BCAS1: variants seen among roughly 807,000 people sequenced by gnomAD.
The protein encoded by BCAS1 is breast carcinoma-amplified sequence 1.
BCAS1 carries 46 observed loss-of-function variants against 65.4 expected under a neutral mutation model. The ratio of observed to expected loss-of-function variants is 0.70; its 90% CI spans 0.55 to 0.90. BCAS1 has a LOEUF of 0.90. Among genes scored for constraint, BCAS1 ranks in the 40% least tolerant of loss-of-function variants. The pLI is 0.00. For missense variants in BCAS1, 793 were observed against 771.2 expected, an observed-to-expected ratio of 1.03 and a Z score of -0.33; for synonymous variants, 298 against 293.5, an observed-to-expected ratio of 1.02 and a Z score of -0.16.
At chr20:54,006,270 C>T (rs771024254) in intron 4 of BCAS1, among the ~76,000 whole-genome samples, 2 of 152,150 alleles carry the variant, frequency 1.3e-5, no homozygotes, top group Non-Finnish European at 2.9e-5. Flanking sequence ...TCCCTAAACT[C>T]ACATGCACTA....
intron 9 of BCAS1, among the ~76,000 whole-genome samples, chr20:53,967,500 T>C (rs1157735093): frequency 6.6e-6 from 1 of 152,248 alleles, no homozygotes; most frequent in African/African-American, 2.4e-5. Flanking sequence ...TCCAGTTCTC[T>C]TTCCAGTTCC....
intron 1 of BCAS1, among the ~76,000 whole-genome samples, chr20:54,064,375 G>A (rs2092411225): frequency 6.6e-6 from 1 of 152,198 alleles, no homozygotes; most frequent in South Asian, 2.1e-4. Flanking sequence ...CAAACCCACG[G>A]ATTCTCAGAC....
chr20:53,951,731 T>A (rs957082742), intron 12 of BCAS1, among the ~76,000 whole-genome samples: 1 of 152,194 alleles, frequency 6.6e-6, no homozygotes, highest in African/African-American at 2.4e-5. Context: ...CTCACCCACT[T>A]GGGTGAAGTC....
intron 1 of BCAS1, among the ~76,000 whole-genome samples, chr20:54,061,619 G>T (rs2092377843): frequency 6.6e-6 from 1 of 151,950 alleles, no homozygotes; most frequent in Admixed American, 6.6e-5. Context: ...ATATTGAGGA[G>T]GCCAAAAAAA....
chr20:53,981,775 A>G lies in BCAS1; in HGVS notation c.1275+3512T>C, dbSNP rs139622977. On this transcript the variant is annotated intron_variant, in intron 8 of 12. Transcript: ENST00000688948. ...GGAAAGCAGAAAAGGGATATTTTGA[A>G]GATATTCCAAATATATCAATTATTA... 3.1e-4 allele frequency among the ~76,000 whole-genome samples: 47 copies of G among 152,116 alleles called. No individual in the cohort carries two copies. The East Asian group carries it at 9.0e-3, about 29-fold the overall frequency.
intron 1 of BCAS1, among the ~76,000 whole-genome samples, chr20:54,062,965 A>G (rs571005533): frequency 6.6e-6 from 1 of 152,364 alleles, no homozygotes; most frequent in East Asian, 1.9e-4. Context: ...ATATTAGCAG[A>G]AATGAATTCA....
At chr20:54,058,829 T>A (rs1187925904) in intron 1 of BCAS1, 106 bp from the exon 2 acceptor site, 43 of 1,280,850 alleles carry the variant, frequency 3.4e-5, no homozygotes, top group Non-Finnish European at 4.6e-5. Context: ...GGCTGTATTA[T>A]CATCAGCTGA....
In BCAS1 at chr20:53,995,932, G is replaced by A. The variant is rs2090895938; in HGVS notation, c.842C>T (p.Ala281Val). The A allele has an allele frequency of 1.9e-6, 3 of 1,613,474 alleles. No individual in the cohort carries two copies. Among genetic ancestry groups the A allele is most frequent in the Non-Finnish European group, 2.5e-6 (3 of 1,179,742 alleles). ...AKDDSQAAAI[A>V]ENNNSIMSFF... ...ACTCATGATGGAATTATTATTCTCT[G>A]CTATAGCTGCTGCCTGGGAATCGTC... The change falls in exon 5 of 13, where the codon GCA becomes GTA. Residue 281 changes from alanine to valine, a missense_variant. Ala to Val is a moderately conservative substitution (Grantham distance 64). Transcript: ENST00000688948.
chr20:54,028,421 C>G lies in BCAS1; in HGVS notation c.694G>C (p.Gly232Arg). 8 of 1,614,192 alleles carry G rather than the reference C, an allele frequency of 5.0e-6. No individual in the cohort carries two copies. The highest frequency in any genetic ancestry group is 6.8e-6 in the Non-Finnish European group (8 of 1,180,028). ...CCTGCAGGGACATCATCGGACTGCC[C>G]TGATAAGCCAGGAACCTCATCCACC... ...DKVDEVPGLS[G>R]QSDDVPAGKD... Residue 232 changes from glycine (G) to arginine (R), a missense_variant, in exon 4 of 13, where the codon GGG becomes CGG. By Grantham distance (125) the Gly-to-Arg change is moderately radical. Coordinates refer to ENST00000688948, the MANE Select transcript of BCAS1 (RefSeq NM_001366298.2).
intron 4 of BCAS1, among the ~76,000 whole-genome samples, chr20:54,005,586 C>T (rs960252706): frequency 2.0e-5 from 3 of 152,184 alleles, no homozygotes; most frequent in African/African-American, 7.2e-5. Flanking sequence ...TAAACAAATG[C>T]CAATACCCAG....
chr20:54,009,411 G>C (rs2091274680), intron 4 of BCAS1, among the ~76,000 whole-genome samples: 1 of 151,986 alleles, frequency 6.6e-6, no homozygotes, highest in Non-Finnish European at 1.5e-5. Flanking sequence ...ACCAGTATCA[G>C]GTACAAAACT....
intron 3 of BCAS1, among the ~76,000 whole-genome samples, chr20:54,042,982 G>A (rs2092027830): frequency 6.6e-6 from 1 of 152,238 alleles, no homozygotes; most frequent in Admixed American, 6.5e-5. Flanking sequence ...TGCAGAGTCT[G>A]AGCCTCTGCT....
chr20:54,035,676 A>T (rs1467127235), intron 3 of BCAS1, among the ~76,000 whole-genome samples: 1 of 151,238 alleles, frequency 6.6e-6, no homozygotes, highest in Non-Finnish European at 1.5e-5. Context: ...AGATAGAAAT[A>T]CCATTCCACC....
At chr20:53,985,047 G>A (rs208364) in intron 8 of BCAS1, among the ~76,000 whole-genome samples, 3,865 of 152,210 alleles carry the variant, frequency 0.025, 117 homozygotes, top group East Asian at 0.11. Flanking sequence ...CTCAAAGAAT[G>A]AAAAATTCTA....
intron 4 of BCAS1, among the ~76,000 whole-genome samples, chr20:54,002,159 C>A (rs1323596814): frequency 2.0e-5 from 3 of 151,712 alleles, no homozygotes; most frequent in Non-Finnish European, 4.4e-5. Context: ...CTCTGTGTAT[C>A]TCTCTCTCTC....
At chr20:53,952,730 T>C (rs1040147024) in intron 12 of BCAS1, among the ~76,000 whole-genome samples, 1 of 152,192 alleles carries the variant, frequency 6.6e-6, no homozygotes, top group African/African-American at 2.4e-5. Context: ...GGCAGACAAC[T>C]CATCACATCG....
intron 8 of BCAS1, among the ~76,000 whole-genome samples, chr20:53,979,893 A>G (rs1170596053): frequency 2.0e-5 from 3 of 152,204 alleles, no homozygotes; most frequent in Non-Finnish European, 2.9e-5. Context: ...CACTGGCTAG[A>G]TCTACTAGAC....
intron 6 of BCAS1, among the ~76,000 whole-genome samples, chr20:53,993,906 G>T (rs1383768125): frequency 6.6e-6 from 1 of 152,164 alleles, no homozygotes; most frequent in African/African-American, 2.4e-5. Flanking sequence ...TGTGATCATT[G>T]AAATAGGGAT....
intron 3 of BCAS1, among the ~76,000 whole-genome samples, chr20:54,033,981 T>C (rs1362537287): frequency 2.0e-5 from 3 of 151,292 alleles, no homozygotes; most frequent in South Asian, 2.1e-4. Context: ...GTTCAACATA[T>C]ACAAATCAAT....
Sources: allele counts gnomAD v4.1 joint callset (sites outside exome capture counted in the v4.1 genomes callset), GRCh38; gene constraint gnomAD v4.1.1; transcripts MANE v1.5; gene names NCBI Gene and HGNC (gene_info 2026-07-23, HGNC 2026-07-21).